The following CHCHD3 variants were observed in gnomAD, a reference collection of about 807,000 sequenced individuals.
CHCHD3 encodes coiled-coil-helix-coiled-coil-helix domain containing 3.
A neutral mutation model predicts 38.2 loss-of-function variants in CHCHD3; 20 were observed. The observed-to-expected ratio is 0.52, with a 90% confidence interval of 0.37 to 0.76. The LOEUF is 0.76. CHCHD3 is among the 30% of genes least tolerant of loss of function. CHCHD3 has a pLI of 0.00. For missense variants in CHCHD3, 245 were observed against 279.2 expected (o/e 0.88, Z 0.87); for synonymous variants, 82 against 100.0 (o/e 0.82, Z 1.07).
chr7:132,880,355 A>G (rs1420274301), intron 5 of CHCHD3, among the ~76,000 whole-genome samples: 1 of 152,210 alleles, frequency 6.6e-6, no homozygotes, highest in African/African-American at 2.4e-5. Flanking sequence ...CAAAGTGCCA[A>G]TCACAATGTA....
At chr7:132,853,684 T>C (rs2064973412) in intron 5 of CHCHD3, among the ~76,000 whole-genome samples, 1 of 152,182 alleles carries the variant, frequency 6.6e-6, no homozygotes, top group South Asian at 2.1e-4. Context: ...TTAATATCTA[T>C]ATTCAATGAA....
intron 4 of CHCHD3, among the ~76,000 whole-genome samples, chr7:132,915,928 GTTTTT>G (rs938011385): frequency 6.7e-6 from 1 of 148,700 alleles, no homozygotes; most frequent in Non-Finnish European, 1.5e-5. Flanking sequence ...GGTGAGTTTG[GTTTTT>G]TTTTAATTTT....
intron 2 of CHCHD3, among the ~76,000 whole-genome samples, chr7:133,040,676 C>T (rs1017804224): frequency 2.0e-4 from 31 of 152,142 alleles, no homozygotes; most frequent in Admixed American, 6.5e-4. Context: ...GTTACTTCCT[C>T]GGATTCACTC....
intron 2 of CHCHD3, among the ~76,000 whole-genome samples, chr7:133,043,024 A>G (rs560705942): frequency 4.4e-4 from 66 of 151,670 alleles, no homozygotes; most frequent in African/African-American, 1.4e-3. Flanking sequence ...GCACCACCAC[A>G]CCCAGCTAAT....
chr7:132,876,907 T>C (rs988648653), intron 5 of CHCHD3, among the ~76,000 whole-genome samples: 2 of 152,166 alleles, frequency 1.3e-5, no homozygotes, highest in Admixed American at 1.3e-4. Context: ...ATCATAATAG[T>C]GAAATCCTAT....
chr7:133,013,100 C>T (rs552250106), intron 3 of CHCHD3, among the ~76,000 whole-genome samples: 5 of 144,262 alleles, frequency 3.5e-5, no homozygotes, highest in Admixed American at 2.2e-4. Flanking sequence ...GCAGGAGAAT[C>T]GCTTGAACCC....
At chr7:132,859,950 G>T (rs1228329216) in intron 5 of CHCHD3, among the ~76,000 whole-genome samples, 1 of 152,046 alleles carries the variant, frequency 6.6e-6, no homozygotes, top group Non-Finnish European at 1.5e-5. Context: ...GAAATCAATT[G>T]TATCAGAAAC....
intron 4 of CHCHD3, among the ~76,000 whole-genome samples, chr7:132,888,055 T>C (rs541369476): frequency 1.3e-5 from 2 of 151,656 alleles, no homozygotes; most frequent in Non-Finnish European, 3.0e-5. Context: ...CTAAATGAAA[T>C]ATGTACTCAA....
chr7:132,862,890 T>C (rs1585582577), intron 5 of CHCHD3, among the ~76,000 whole-genome samples: 1 of 152,336 alleles, frequency 6.6e-6, no homozygotes. Context: ...AGTTTCATCA[T>C]GAGATTGCTG....
chr7:132,923,189 T>G (rs1029773503), intron 4 of CHCHD3, among the ~76,000 whole-genome samples: 3 of 152,180 alleles, frequency 2.0e-5, no homozygotes, highest in African/African-American at 7.2e-5. Flanking sequence ...TTGATCAAAA[T>G]TCAAATGCAC....
intron 4 of CHCHD3, among the ~76,000 whole-genome samples, chr7:132,895,424 G>A (rs538860861): frequency 6.6e-6 from 1 of 152,334 alleles, no homozygotes; most frequent in South Asian, 2.1e-4. Context: ...CAAGCAAAAT[G>A]TCTCCAGACA....
rs560645048 is a variant in CHCHD3 at position 132,830,208 on chromosome 7, G to A, written c.524+8191C>T. ...ATATAACCAATTCTAAATGGGTATC[G>A]TAAGAAATACTGTTAAATATTGGCA... On this transcript the variant is annotated intron_variant, in intron 6 of 7. Transcript: ENST00000262570. Among the ~76,000 whole-genome samples, 44 of 152,220 alleles carry A rather than the reference G, an allele frequency of 2.9e-4. No homozygotes were observed. The South Asian group carries it at 7.5e-3, about 26-fold the overall frequency.
chr7:132,798,732 A>G (rs1308013108), intron 6 of CHCHD3, among the ~76,000 whole-genome samples: 3 of 152,136 alleles, frequency 2.0e-5, no homozygotes, highest in African/African-American at 7.2e-5. Flanking sequence ...GACTGTAAAA[A>G]TGAGCATCCA....
At chr7:132,930,138 C>T (rs1810480294) in intron 4 of CHCHD3, among the ~76,000 whole-genome samples, 1 of 151,546 alleles carries the variant, frequency 6.6e-6, no homozygotes, top group Non-Finnish European at 1.5e-5. Flanking sequence ...TAACTCACTT[C>T]CTCCTTCTTA....
intron 6 of CHCHD3, among the ~76,000 whole-genome samples, chr7:132,798,310 T>C (rs1417940259): frequency 6.6e-6 from 1 of 152,172 alleles, no homozygotes; most frequent in Non-Finnish European, 1.5e-5. Flanking sequence ...CAGAATTAAA[T>C]AGAATCCCAG....
At chr7:132,836,701 C>G (rs970731690) in intron 6 of CHCHD3, among the ~76,000 whole-genome samples, 1 of 151,962 alleles carries the variant, frequency 6.6e-6, no homozygotes, top group Non-Finnish European at 1.5e-5. Flanking sequence ...TTTTGAACTT[C>G]AGGCCTCAAG....
chr7:132,897,289 T>C (rs1809524643), intron 4 of CHCHD3, among the ~76,000 whole-genome samples: 1 of 152,224 alleles, frequency 6.6e-6, no homozygotes, highest in Admixed American at 6.5e-5. Flanking sequence ...GTCAGTGAAC[T>C]GACAAGTAAA....
At chr7:133,057,069 G>T (rs765531781) in intron 2 of CHCHD3, among the ~76,000 whole-genome samples, 5 of 152,086 alleles carry the variant, frequency 3.3e-5, no homozygotes, top group Admixed American at 6.6e-5. Context: ...TTACATCACT[G>T]CCAGTAAAGC....
chr7:133,081,507 C>G (rs1281861508), intron 1 of CHCHD3, among the ~76,000 whole-genome samples: 1 of 152,062 alleles, frequency 6.6e-6, no homozygotes, highest in Non-Finnish European at 1.5e-5. Context: ...GGTCCTGAAC[C>G]CAGGAAAACC....
Sources: gnomAD v4.1 joint callset for allele counts (sites outside exome capture counted in the v4.1 genomes callset) on GRCh38, gnomAD v4.1.1 for gene constraint, MANE v1.5 for transcripts, NCBI Gene and HGNC (gene_info 2026-07-23, HGNC 2026-07-21) for gene names.